Variants in RBFOX1 observed in about 807,000 individuals in gnomAD.
RBFOX1 encodes RNA binding protein fox-1 homolog 1.
RBFOX1 carries 8 observed loss-of-function variants against 57.7 expected under a neutral mutation model. The observed-to-expected ratio is 0.14, with a 90% confidence interval of 0.08 to 0.25. The LOEUF is 0.25. Among genes scored for constraint, RBFOX1 ranks in the 10% least tolerant of loss-of-function variants. RBFOX1 has a pLI of 1.00. For missense variants in RBFOX1, 611 were observed against 548.5 expected, an observed-to-expected ratio of 1.11 and a Z score of -1.14; for synonymous variants, 326 against 222.4, an observed-to-expected ratio of 1.47 and a Z score of -4.15.
chr16:6,717,597 T>TA (rs2065085450), intron 3 of RBFOX1, among the ~76,000 whole-genome samples: 1 of 151,926 alleles, frequency 6.6e-6, no homozygotes, highest in African/African-American at 2.4e-5. Flanking sequence ...TTTTTTTTTT[T>TA]ACCCAGAAAT....
intron 4 of RBFOX1, among the ~76,000 whole-genome samples, chr16:7,245,162 C>G (rs1296848963): frequency 1.3e-5 from 2 of 152,046 alleles, no homozygotes; most frequent in African/African-American, 2.4e-5. Flanking sequence ...GAACAGTGGT[C>G]TTACATGTCT....
rs75251841 is a variant in RBFOX1 at position 5,949,024 on chromosome 16, G to A, written c.351+81689G>A. ...TCTATGTGTTTGTGTGTCTACGTGC[G>A]TCATATACACAACTATTATGGGGGG... On this transcript the variant is annotated intron_variant, in intron 4 of 19. Coordinates refer to the RBFOX1 transcript ENST00000641259. 8.6e-3 allele frequency among the ~76,000 whole-genome samples: 1,303 copies of A among 152,142 alleles called. 6 individuals carry two copies. The highest frequency in any genetic ancestry group is 0.019 in the African/African-American group (786 of 41,490).
At chr16:5,645,345 T>G (rs1351112487) in intron 3 of RBFOX1, among the ~76,000 whole-genome samples, 1 of 152,008 alleles carries the variant, frequency 6.6e-6, no homozygotes, top group Non-Finnish European at 1.5e-5. Context: ...TCCATTTATA[T>G]GAAGCATCTA....
Position 7,626,846 on chromosome 16 carries a change from T to C in RBFOX1, c.677-3757T>C, listed in dbSNP as rs893980970. 2.6e-5 allele frequency among the ~76,000 whole-genome samples: 4 copies of C among 152,314 alleles called. No homozygotes were observed. The East Asian group carries it at 7.7e-4, about 29-fold the overall frequency. ...TTAAAAATGTATTATAATTCAATCA[T>C]ATGCATTAATCCTTCTGAGGATCAG... On this transcript the variant is annotated intron_variant, in intron 10 of 15. Transcript: ENST00000550418.
chr16:5,344,270 C>A (rs1332885664), intron 1 of RBFOX1, among the ~76,000 whole-genome samples: 1 of 152,198 alleles, frequency 6.6e-6, no homozygotes, highest in Non-Finnish European at 1.5e-5. Flanking sequence ...TCCCTCTCTC[C>A]TGCTAAACCA....
At chr16:5,999,898 A>T (rs1567239139) in intron 4 of RBFOX1, among the ~76,000 whole-genome samples, 1 of 57,764 alleles carries the variant, frequency 1.7e-5, no homozygotes, top group Non-Finnish European at 3.8e-5. Context: ...AAAAAAAAAA[A>T]AAAAAAAAAG....
At chr16:5,980,537 C>A (rs2060151420) in intron 4 of RBFOX1, among the ~76,000 whole-genome samples, 3 of 152,272 alleles carry the variant, frequency 2.0e-5, no homozygotes, top group South Asian at 4.2e-4. Context: ...AGCAGTGATC[C>A]TCCGCATTCT....
intron 1 of RBFOX1, among the ~76,000 whole-genome samples, chr16:6,131,022 C>T (rs558422385): frequency 5.9e-5 from 9 of 152,234 alleles, no homozygotes; most frequent in South Asian, 2.1e-4. Flanking sequence ...ATCTCATATA[C>T]ATTATAAAGA....
chr16:6,212,003 C>G (rs868394433), intron 1 of RBFOX1, among the ~76,000 whole-genome samples: 1 of 152,118 alleles, frequency 6.6e-6, no homozygotes, highest in East Asian at 1.9e-4. Flanking sequence ...GCACACAGCG[C>G]CATGCCTGGC....
chr16:7,058,019 A>AAAAC (rs1568581421), intron 4 of RBFOX1, among the ~76,000 whole-genome samples: 3 of 151,640 alleles, frequency 2.0e-5, no homozygotes, highest in Admixed American at 1.3e-4. Context: ...AAAAAAAAAA[A>AAAAC]AAACACGAAA....
chr16:5,943,011 G>A (rs545689512), intron 4 of RBFOX1, among the ~76,000 whole-genome samples: 3 of 152,184 alleles, frequency 2.0e-5, no homozygotes, highest in Non-Finnish European at 4.4e-5. Context: ...GGTCTGCACT[G>A]ACCACAAGCT....
intron 3 of RBFOX1, among the ~76,000 whole-genome samples, chr16:6,894,584 C>T (rs1428062838): frequency 6.6e-6 from 1 of 152,136 alleles, no homozygotes; most frequent in Non-Finnish European, 1.5e-5. Context: ...AAACACTTGC[C>T]CCATTTGGGG....
chr16:5,496,840 C>G (rs1401209082), intron 2 of RBFOX1, among the ~76,000 whole-genome samples: 3 of 152,210 alleles, frequency 2.0e-5, no homozygotes, highest in Non-Finnish European at 2.9e-5. Flanking sequence ...AGCCCAAGCG[C>G]TAATCCATTT....
chr16:7,074,655 C>T (rs115606071), intron 4 of RBFOX1, among the ~76,000 whole-genome samples: 1,545 of 152,054 alleles, frequency 0.01, 30 homozygotes, highest in African/African-American at 0.035. Flanking sequence ...GACAAAAAAC[C>T]ATTTTAAGGA....
intron 2 of RBFOX1, among the ~76,000 whole-genome samples, chr16:6,524,966 A>T (rs1272440341): frequency 6.6e-6 from 1 of 152,152 alleles, no homozygotes; most frequent in East Asian, 1.9e-4. Flanking sequence ...ATTTCCAAAT[A>T]AGGTCACTTC....
chr16:6,535,460 C>A (rs372895235), intron 2 of RBFOX1, among the ~76,000 whole-genome samples: 1 of 152,312 alleles, frequency 6.6e-6, no homozygotes, highest in African/African-American at 2.4e-5. Flanking sequence ...TTCATACCAC[C>A]CAACATCCTA....
chr16:7,502,632 A>G (rs915659842), intron 4 of RBFOX1, among the ~76,000 whole-genome samples: 1 of 152,210 alleles, frequency 6.6e-6, no homozygotes, highest in Non-Finnish European at 1.5e-5. Context: ...TTTAGGGTAC[A>G]TGTGCACATT....
intron 2 of RBFOX1, among the ~76,000 whole-genome samples, chr16:6,318,815 A>T (rs1423663067): frequency 6.6e-6 from 1 of 152,028 alleles, no homozygotes; most frequent in Admixed American, 6.6e-5. Flanking sequence ...AATTTTTTTT[A>T]AAGAAATCAT....
At position 6,327,628 on chromosome 16, in the gene RBFOX1, A is replaced by G. The variant is rs1249566417; in HGVS notation, c.-64+10571A>G. ...CAATTAGGAGTCAAATAGAATCTAT[A>G]CCTTCAAGAAACAGAATAGAGAGGG... On this transcript the variant is annotated intron_variant, in intron 2 of 15. Transcript: ENST00000550418. 1.3e-5 allele frequency among the ~76,000 whole-genome samples: 2 copies of G among 152,190 alleles called. 1 individual carries two copies. The highest frequency in any genetic ancestry group is 4.8e-5 in the African/African-American group (2 of 41,446).
Sources: allele counts gnomAD v4.1 joint callset (sites outside exome capture counted in the v4.1 genomes callset), GRCh38; gene constraint gnomAD v4.1.1; transcripts MANE v1.5; gene names NCBI Gene and HGNC (gene_info 2026-07-23, HGNC 2026-07-21).